The following LMNB1 variants were observed in gnomAD, a reference collection of about 807,000 sequenced individuals.
LMNB1 encodes the protein lamin B1, also known as lamin-B1.
Under a neutral mutation model 67.1 loss-of-function variants are expected in LMNB1, and 23 were observed. The observed-to-expected ratio is 0.34, with a 90% CI of 0.25 to 0.49. The LOEUF is 0.49. LMNB1 is among the 20% of genes least tolerant of loss of function. The probability of loss-of-function intolerance (pLI) is 0.99; values close to 1 mark genes in which losing one functional copy is unlikely to be tolerated. For missense variants in LMNB1, 634 were observed against 746.5 expected (o/e 0.85, Z 1.76); for synonymous variants, 281 against 282.9 (o/e 0.99, Z 0.07).
chr5:126,785,059 A>C (rs1322873513), intron 1 of LMNB1, among the ~76,000 whole-genome samples: 1 of 151,520 alleles, frequency 6.6e-6, no homozygotes, highest in African/African-American at 2.4e-5. Context: ...GGCTCACTGC[A>C]ATCTCTGCCT....
intron 1 of LMNB1, among the ~76,000 whole-genome samples, chr5:126,786,308 A>G (rs1358794007): frequency 6.6e-6 from 1 of 151,752 alleles, no homozygotes; most frequent in African/African-American, 2.4e-5. Context: ...ATTTTTTAGT[A>G]GAGACGGGGT....
Position 126,836,602 on chromosome 5 carries a change from G to A in LMNB1, c.*338G>A, listed in dbSNP as rs1454031957. The A allele has an allele frequency of 8.6e-6, 3 of 346,886 alleles. No homozygotes were observed. Among genetic ancestry groups the A allele is most frequent in the East Asian group, 4.3e-5 (1 of 23,012 alleles). 21.5% of individuals were successfully genotyped at this position (346,886 alleles called of 1,614,324 possible). ...GGGGAGGGTAAATAAACCACTGTGC[G>A]TCTTGGTGTAATTTGAAGATTGCCC... On this transcript the variant is annotated 3_prime_UTR_variant, in exon 11 of 11. Transcript: ENST00000261366.
chr5:126,811,950 C>T lies in LMNB1; in HGVS notation c.939+52C>T, dbSNP rs758335083. ...TTAGACTTGAAGGCTACCTTCACCA[C>T]GGGCACCTACCTGCTTTGCTTGGGC... is the stretch of plus-strand genomic sequence containing the variant. On this transcript the variant is annotated intron_variant, in intron 5 of 10. Transcript: ENST00000261366. 24 of 1,568,258 alleles carry T rather than the reference C, an allele frequency of 1.5e-5. No homozygotes were observed. In the African/African-American group the frequency reaches 1.8e-4, roughly 11 times the overall value.
intron 1 of LMNB1, among the ~76,000 whole-genome samples, chr5:126,798,129 G>A (rs566081509): frequency 5.7e-5 from 8 of 140,228 alleles, no homozygotes; most frequent in African/African-American, 8.0e-5. Flanking sequence ...GAGCGAGACC[G>A]TCTCAAAACA....
intron 1 of LMNB1, among the ~76,000 whole-genome samples, chr5:126,801,758 C>G (rs1042928517): frequency 1.4e-4 from 22 of 152,174 alleles, no homozygotes; most frequent in African/African-American, 5.1e-4. Context: ...ATTTTGGTCC[C>G]TGGAAGGCAC....
chr5:126,825,786 A>G (rs764464972), intron 8 of LMNB1, among the ~76,000 whole-genome samples: 2 of 152,152 alleles, frequency 1.3e-5, no homozygotes, highest in Non-Finnish European at 2.9e-5. Flanking sequence ...ATATATTATC[A>G]TCTTCACTTA....
In LMNB1 at chr5:126,832,773, T is replaced by C; in HGVS notation, c.1691T>C (p.Val564Ala). 2 of 1,611,132 alleles carry C rather than the reference T, an allele frequency of 1.2e-6. No individual in the cohort carries two copies. Among genetic ancestry groups the C allele is most frequent in the South Asian group, 2.2e-5 (2 of 90,616 alleles). ...EEEEEEAAGV[V>A]VEEELFHQQG... The stretch of plus-strand genomic sequence containing the variant: ...GAGGAGGAAGAAGCAGCTGGAGTGG[T>C]TGTTGAGGAAGAACTTTTCCACCAG... The change falls in exon 10 of 11, where the codon GTT (valine) becomes GCT (alanine). Residue 564 changes from valine to alanine, a missense_variant. By Grantham distance (64) the Val-to-Ala change is moderately conservative. Coordinates refer to ENST00000261366, the MANE Select transcript of LMNB1 (RefSeq NM_005573.4).
chr5:126,793,127 A>T (rs1751007379), intron 1 of LMNB1, among the ~76,000 whole-genome samples: 1 of 152,194 alleles, frequency 6.6e-6, no homozygotes, highest in African/African-American at 2.4e-5. Context: ...AACACCCAGC[A>T]AACTGGAGAA....
intron 1 of LMNB1, among the ~76,000 whole-genome samples, chr5:126,784,342 A>C (rs1398865192): frequency 1.6e-5 from 2 of 124,340 alleles, no homozygotes; most frequent in African/African-American, 6.2e-5. Context: ...TGTCATTTGA[A>C]TTTTTATTAT....
chr5:126,809,824 A>G (rs1225420062), intron 3 of LMNB1, among the ~76,000 whole-genome samples: 6 of 152,342 alleles, frequency 3.9e-5, no homozygotes, highest in African/African-American at 1.4e-4. Context: ...AACAATTCAG[A>G]AAAATAATTT....
In LMNB1 at chr5:126,810,358, C is replaced by G. The variant is rs759937381; in HGVS notation, c.813+8C>G. On this transcript the variant is annotated splice_region_variant and intron_variant, in intron 4 of 10. Transcript: ENST00000261366. ...CAGACTTACCATGCCAAAGTGAGCT[C>G]TCTTCAGAAGATTCTTTTGAACACT... 6.3e-7 allele frequency: 1 copy of G among 1,586,084 alleles called. No homozygotes were observed. Among genetic ancestry groups the G allele is most frequent in the Non-Finnish European group, 8.6e-7 (1 of 1,157,664 alleles).
Position 126,802,406 on chromosome 5 carries a change from T to G in LMNB1, c.360-2370T>G, listed in dbSNP as rs145749052. ...TAAGATCCTGTTTCTCCAAGAAAAATACAATAGCAGTTTTAAGAACAGGTA... is the reference window on the plus strand; with the variant it reads ...TAAGATCCTGTTTCTCCAAGAAAAAGACAATAGCAGTTTTAAGAACAGGTA... On this transcript the variant is annotated intron_variant, in intron 1 of 10. Transcript: ENST00000261366. Among the ~76,000 whole-genome samples the G allele has an allele frequency of 3.6e-3, 541 of 152,298 alleles. 2 individuals are homozygous for G. The highest frequency in any genetic ancestry group is 4.4e-3 in the Non-Finnish European group (300 of 68,016).
intron 3 of LMNB1, among the ~76,000 whole-genome samples, chr5:126,808,827 G>A (rs1751517708): frequency 6.6e-6 from 1 of 152,018 alleles, no homozygotes; most frequent in Admixed American, 6.6e-5. Context: ...AGCAACTTTG[G>A]TGGGTTATAC....
chr5:126,821,491 CT>C lies in LMNB1; in HGVS notation c.1386+359del, dbSNP rs376167064. Among the ~76,000 whole-genome samples the C allele has an allele frequency of 9.9e-5, 15 of 152,266 alleles. No individual in the cohort carries two copies. In the South Asian group the frequency reaches 2.9e-3, roughly 29 times the overall value. ...CAATTGGATGAAAATGGTGGATATT[CT>C]TTCGGTCATTAACTTAATAAAAAGC... On this transcript the variant is annotated intron_variant, in intron 7 of 10. Transcript: ENST00000261366.
chr5:126,784,068 A>T (rs1287991142), intron 1 of LMNB1, among the ~76,000 whole-genome samples: 1 of 116,184 alleles, frequency 8.6e-6, no homozygotes, highest in African/African-American at 3.5e-5. Context: ...CTCGTTGCCC[A>T]GGCTGGAGTA....
rs145468951 is a variant in LMNB1 at position 126,795,663 on chromosome 5, G to A, written c.360-9113G>A. ...GTTTTAGATGGAGCCTTGCTCTGTC[G>A]CCCAGGCTGGAGTGCAATGGTGCAA... On this transcript the variant is annotated intron_variant, in intron 1 of 10. Coordinates refer to ENST00000261366, the MANE Select transcript of LMNB1 (RefSeq NM_005573.4). 6.7e-4 allele frequency among the ~76,000 whole-genome samples: 102 copies of A among 152,100 alleles called. No homozygotes were observed. The East Asian group carries it at 0.016, about 24-fold the overall frequency.
intron 1 of LMNB1, among the ~76,000 whole-genome samples, chr5:126,791,428 T>C (rs1230673729): frequency 2.0e-5 from 3 of 152,094 alleles, no homozygotes; most frequent in Non-Finnish European, 2.9e-5. Flanking sequence ...ATTTTTGCTA[T>C]TGTATTTTAA....
intron 1 of LMNB1, among the ~76,000 whole-genome samples, chr5:126,799,424 G>A (rs1751206697): frequency 6.6e-6 from 1 of 152,248 alleles, no homozygotes; most frequent in Non-Finnish European, 1.5e-5. Flanking sequence ...GGTAAGGACA[G>A]CTGTAAGAAC....
intron 1 of LMNB1, among the ~76,000 whole-genome samples, chr5:126,785,144 T>TG (rs1750740348): frequency 7.9e-6 from 1 of 127,340 alleles, no homozygotes; most frequent in Non-Finnish European, 1.7e-5. Context: ...CATGCCCGGC[T>TG]AATTTTTTTT....
Sources: allele counts gnomAD v4.1 joint callset (sites outside exome capture counted in the v4.1 genomes callset), GRCh38; gene constraint gnomAD v4.1.1; transcripts MANE v1.5; gene names NCBI Gene and HGNC (gene_info 2026-07-23, HGNC 2026-07-21).